FASTKD2: variants seen among roughly 807,000 people sequenced by gnomAD.
FASTKD2 encodes the protein FAST kinase domains 2, also known as FAST kinase domain-containing protein 2, mitochondrial.
Under a neutral mutation model 63.6 loss-of-function variants are expected in FASTKD2, and 51 were observed. The observed-to-expected ratio is 0.80, with a 90% CI of 0.64 to 1.01. FASTKD2 has a LOEUF of 1.01. FASTKD2 is among the 50% of genes least tolerant of loss of function. FASTKD2 has a pLI of 0.00. For synonymous variants in FASTKD2, 284 were observed against 293.4 expected, an observed-to-expected ratio of 0.97 and a Z score of 0.33; for missense variants, 786 against 831.1, an observed-to-expected ratio of 0.95 and a Z score of 0.67.
At chr2:206,769,999 T>C (rs995675905) in intron 2 of FASTKD2, 92 bp from the exon 3 acceptor site, 2 of 804,284 alleles carry the variant, frequency 2.5e-6, no homozygotes, top group Admixed American at 1.8e-5. Context: ...TCAATCGTTT[T>C]ATTCAGTACA....
chr2:206,784,978 C>T (rs569072007), intron 7 of FASTKD2, among the ~76,000 whole-genome samples: 62 of 152,248 alleles, frequency 4.1e-4, no homozygotes, highest in East Asian at 1.7e-3. Context: ...AAGACATACC[C>T]GAGACTGGGC....
intron 7 of FASTKD2, among the ~76,000 whole-genome samples, chr2:206,775,860 A>G (rs866524018): frequency 1.3e-4 from 20 of 151,722 alleles, no homozygotes; most frequent in Admixed American, 3.3e-4. Flanking sequence ...AAGGGTTCCA[A>G]TTTCTCCACA....
At chr2:206,772,392 T>C in intron 6 of FASTKD2, 72 bp downstream of exon 6, 1 of 1,440,894 alleles carries the variant, frequency 6.9e-7, no homozygotes, top group Non-Finnish European at 9.7e-7. Context: ...ATTTTAAGTA[T>C]TTCTCTTTCA....
chr2:206,775,603 T>A (rs1187302154), intron 7 of FASTKD2, among the ~76,000 whole-genome samples: 1 of 151,962 alleles, frequency 6.6e-6, no homozygotes, highest in African/African-American at 2.4e-5. Context: ...TGTCTTTGTC[T>A]GATTTTGGTA....
At position 206,794,978 on chromosome 2, in the gene FASTKD2, C is replaced by G. The variant is rs1351089060; in HGVS notation, c.*3176C>G. The stretch of plus-strand genomic sequence containing the variant: ...GACTGCACTTTTCCATGAAATTACC[C>G]AGCAGTTATGATGGTCAGTGGCTCA... On this transcript the variant is annotated 3_prime_UTR_variant, in exon 12 of 12. Transcript: ENST00000402774. Among the ~76,000 whole-genome samples the G allele has an allele frequency of 6.6e-6, 1 of 152,168 alleles. No individual in the cohort carries two copies. Among genetic ancestry groups the G allele is most frequent in the Admixed American group, 6.5e-5 (1 of 15,280 alleles).
At chr2:206,787,452 G>A (rs189217083) in intron 8 of FASTKD2, among the ~76,000 whole-genome samples, 40 of 152,272 alleles carry the variant, frequency 2.6e-4, no homozygotes, top group African/African-American at 8.7e-4. Flanking sequence ...AAAATTTGAC[G>A]ATGTGTCTGA....
In FASTKD2 at chr2:206,767,337, A is replaced by G; in HGVS notation, c.644A>G (p.Gln215Arg). ...RLMFSHPAFN[Q>R]LCEHMMREAK... Reference sequence around the variant, plus strand: ...ATGTTTAGCCACCCTGCATTTAATCAGCTCTGTGAACATATGATGAGAGAA... The same window carrying G: ...ATGTTTAGCCACCCTGCATTTAATCGGCTCTGTGAACATATGATGAGAGAA... The change falls in exon 2 of 12, where the codon CAG becomes CGG. Residue 215 changes from glutamine (Q) to arginine (R), a missense_variant. By Grantham distance (43) the Gln-to-Arg change is conservative. Transcript: ENST00000402774. 6.2e-7 allele frequency: 1 copy of G among 1,614,204 alleles called. No individual in the cohort carries two copies. The highest frequency in any genetic ancestry group is 1.1e-5 in the South Asian group (1 of 91,080).
intron 10 of FASTKD2, 145 bp downstream of exon 10, chr2:206,789,048 G>C: frequency 1.5e-6 from 1 of 675,116 alleles, no homozygotes; most frequent in Non-Finnish European, 2.7e-6. Flanking sequence ...ATCCATCAAT[G>C]TACTCCTTAG....
In FASTKD2 at chr2:206,770,182, G is replaced by A. The variant is rs1334210765; in HGVS notation, c.869G>A (p.Arg290Gln). 5 of 1,601,004 alleles carry A rather than the reference G, an allele frequency of 3.1e-6. No individual in the cohort carries two copies. Among genetic ancestry groups the A allele is most frequent in the East Asian group, 2.2e-5 (1 of 44,810 alleles). ...CCATGCAAGAATGTTCATGTTCTAC[G>A]AACGGGATTCAGGTGAGAACTCTCT... ...MEPCKNVHVL[R>Q]TGFRILVDQQ... Residue 290 changes from arginine to glutamine, a missense_variant, in exon 3 of 12, where the codon CGA (arginine) becomes CAA (glutamine). Physicochemically the swap from Arg to Gln is conservative, Grantham distance 43. Coordinates refer to ENST00000402774, the MANE Select transcript of FASTKD2 (RefSeq NM_001136193.2).
chr2:206,776,124 C>A (rs1689818362), intron 7 of FASTKD2, among the ~76,000 whole-genome samples: 1 of 150,632 alleles, frequency 6.6e-6, no homozygotes, highest in East Asian at 1.9e-4. Flanking sequence ...TGTAAACATA[C>A]TACAAATATA....
intron 7 of FASTKD2, among the ~76,000 whole-genome samples, chr2:206,774,666 C>T (rs915286150): frequency 2.0e-5 from 3 of 151,980 alleles, no homozygotes; most frequent in African/African-American, 7.2e-5. Flanking sequence ...CCCAGCTTAT[C>T]CTCGTAGCTC....
rs1690405446 is a variant in FASTKD2 at position 206,795,008 on chromosome 2, G to A, written c.*3206G>A. 6.8e-6 allele frequency among the ~76,000 whole-genome samples: 1 copy of A among 147,380 alleles called. No individual in the cohort carries two copies. ...GTTATGATGGTCAGTGGCTCACTCA[G>A]CAGCAAGCCACTTAGGTAGCTGGCG... On this transcript the variant is annotated 3_prime_UTR_variant, in exon 12 of 12. Transcript: ENST00000402774.
intron 10 of FASTKD2, 58 bp downstream of exon 10, chr2:206,788,961 G>T (rs766131779): frequency 1.4e-5 from 13 of 904,448 alleles, no homozygotes; most frequent in African/African-American, 1.1e-4. Flanking sequence ...AATTCTAAAA[G>T]ACTTCATATT....
At chr2:206,768,703 A>G (rs919993811) in intron 2 of FASTKD2, among the ~76,000 whole-genome samples, 4 of 152,164 alleles carry the variant, frequency 2.6e-5, no homozygotes, top group African/African-American at 9.7e-5. Flanking sequence ...CTGTCTGAAA[A>G]TAATAATAAT....
intron 9 of FASTKD2, 136 bp downstream of exon 9, chr2:206,788,291 AT>A (rs1690189888): frequency 8.1e-6 from 5 of 619,028 alleles, no homozygotes; most frequent in Middle Eastern, 4.3e-4. Flanking sequence ...TTCTTGCCTC[AT>A]AAAATTCTTG....
intron 3 of FASTKD2, among the ~76,000 whole-genome samples, chr2:206,770,881 A>G (rs534130483): frequency 6.6e-6 from 1 of 152,208 alleles, no homozygotes; most frequent in Non-Finnish European, 1.5e-5. Context: ...ATCTAATGTC[A>G]TAGATTAGTG....
intron 7 of FASTKD2, among the ~76,000 whole-genome samples, chr2:206,782,321 C>G (rs183600015): frequency 6.6e-6 from 1 of 152,304 alleles, no homozygotes. Context: ...TTGTTCTTGT[C>G]TGGAGTACGA....
intron 7 of FASTKD2, among the ~76,000 whole-genome samples, chr2:206,781,739 A>G (rs372053497): frequency 1.7e-4 from 25 of 148,214 alleles, no homozygotes; most frequent in African/African-American, 6.0e-4. Flanking sequence ...CTGCTGTACT[A>G]CAGTCGGGGA....
chr2:206,771,779 G>C, intron 4 of FASTKD2, 115 bp from the exon 5 acceptor site: 1 of 785,004 alleles, frequency 1.3e-6, no homozygotes, highest in South Asian at 1.6e-5. Flanking sequence ...ACTTGAGCCT[G>C]GGAGGTTGAG....
Sources: gnomAD v4.1 joint callset for allele counts (sites outside exome capture counted in the v4.1 genomes callset) on GRCh38, gnomAD v4.1.1 for gene constraint, MANE v1.5 for transcripts, NCBI Gene and HGNC (gene_info 2026-07-23, HGNC 2026-07-21) for gene names.